MEGF8: variants seen among roughly 807,000 people sequenced by gnomAD.
MEGF8 encodes the protein multiple EGF like domains 8, also known as multiple epidermal growth factor-like domains protein 8.
A neutral mutation model predicts 302.9 loss-of-function variants in MEGF8; 156 were observed. The ratio of observed to expected loss-of-function variants is 0.52; its 90% CI spans 0.45 to 0.59. The LOEUF (loss-of-function observed/expected upper bound fraction) is 0.59. Among genes scored for constraint, MEGF8 ranks in the 20% least tolerant of loss-of-function variants. MEGF8 has a pLI of 0.00. For synonymous variants in MEGF8, 1,621 were observed against 1,660.5 expected (o/e 0.98, Z 0.58); for missense variants, 3,345 against 3,964.5 (o/e 0.84, Z 4.20).
chr19:42,341,075 C>T (rs1600027071), intron 8 of MEGF8, among the ~76,000 whole-genome samples: 1 of 152,104 alleles, frequency 6.6e-6, no homozygotes, highest in African/African-American at 2.4e-5. Flanking sequence ...AAGCAGTCCT[C>T]CCACCTCTGC....
chr19:42,373,706 GTT>G (rs750576656), intron 41 of MEGF8, among the ~76,000 whole-genome samples: 50 of 100,948 alleles, frequency 5.0e-4, no homozygotes, highest in East Asian at 9.0e-4. Context: ...GGGCTTTTGG[GTT>G]TTTTTTTTTT....
intron 12 of MEGF8, among the ~76,000 whole-genome samples, chr19:42,346,976 C>G (rs1463856225): frequency 8.0e-6 from 1 of 124,308 alleles, no homozygotes; most frequent in African/African-American, 3.1e-5. Context: ...CAGAGAGAGA[C>G]TCTGTCTCAA....
chr19:42,331,021 C>T (rs78010855), intron 1 of MEGF8, among the ~76,000 whole-genome samples: 2 of 152,050 alleles, frequency 1.3e-5, no homozygotes, highest in South Asian at 2.1e-4. Flanking sequence ...AGGGGAGGGA[C>T]GGGGCCAGAT....
In MEGF8 at chr19:42,362,322, G is replaced by A. The variant is rs1432454620; in HGVS notation, c.5845-62G>A. On this transcript the variant is annotated intron_variant, in intron 33 of 41. Coordinates refer to ENST00000251268, the MANE Select transcript of MEGF8 (RefSeq NM_001271938.2). ...CCACCCCAGGGTCTCAGGAACCACC[G>A]AGTTCTCAGCTGGCTCAGGAGGGGT... The A allele has an allele frequency of 9.3e-6, 15 of 1,610,908 alleles. No homozygotes were observed. In the Admixed American group the frequency reaches 1.2e-4, roughly 13 times the overall value.
Position 42,368,457 on chromosome 19 carries a change from T to A in MEGF8, c.6276T>A (p.Cys2092Ter). Reference sequence around the variant, plus strand: ...CCCATCCCCTCCCCCCCATACAGTGTCTGAGCCCTTCCTACCTGCCCCTGC... The same window carrying A: ...CCCATCCCCTCCCCCCCATACAGTGACTGAGCCCTTCCTACCTGCCCCTGC... ...HCVWSSSLQQ[C>*]LSPSYLPLRC... The change falls in exon 36 of 42, where the codon TGT becomes TGA. Residue 2092 changes from cysteine (C) to a stop codon, truncating the protein, a stop_gained and splice_region_variant. Coordinates refer to ENST00000251268, the MANE Select transcript of MEGF8 (RefSeq NM_001271938.2). LOFTEE classifies it high-confidence loss of function. This position sits in a 1 kb window ranked among gnomAD's most constrained non-coding sequence, Gnocchi z 4.9. 3 of 1,604,744 alleles carry A rather than the reference T, an allele frequency of 1.9e-6. No homozygotes were observed. Among genetic ancestry groups the A allele is most frequent in the Non-Finnish European group, 2.6e-6 (3 of 1,176,072 alleles).
rs914709762 is a variant in MEGF8 at position 42,335,391 on chromosome 19, G to A, written c.828+6G>A. ...GGGACCTGAGTCCTGCCCCGGTATG[G>A]ACCCCTCCTCTGCCCTGGAGGAGCC... On this transcript the variant is annotated splice_donor_region_variant and intron_variant, in intron 5 of 41. Coordinates refer to ENST00000251268, the MANE Select transcript of MEGF8 (RefSeq NM_001271938.2). 1 of 1,613,686 alleles carries A rather than the reference G, an allele frequency of 6.2e-7. No individual in the cohort carries two copies. The highest frequency in any genetic ancestry group is 2.2e-5 in the East Asian group (1 of 44,882).
rs1010408041 is a variant in MEGF8, at chr19:42,336,027, G to A, written c.925G>A (p.Ala309Thr). ...CGGCTCGCTCACCAACGACGTGTGG[G>A]CCTTCAGTCCACTGGGCAGGGGCCA... is the stretch of plus-strand genomic sequence containing the variant. ...ADGSLTNDVW[A>T]FSPLGRGHWE... is the part of the protein sequence containing the mutation. Residue 309 changes from alanine to threonine, a missense_variant, in exon 6 of 42, where the codon GCC becomes ACC. By Grantham distance (58) the Ala-to-Thr change is moderately conservative (BLOSUM62 0). Transcript: ENST00000251268. This position sits in a 1 kb window ranked among gnomAD's most constrained non-coding sequence, Gnocchi z 4.8. 3.2e-6 allele frequency: 5 copies of A among 1,564,896 alleles called. No homozygotes were observed. In the African/African-American group the frequency reaches 6.8e-5, roughly 21 times the overall value.
In MEGF8 at chr19:42,344,864, G is replaced by A. The variant is rs758828506; in HGVS notation, c.2097+31G>A. 3 of 1,513,336 alleles carry A rather than the reference G, an allele frequency of 2.0e-6. No homozygotes were observed. Among genetic ancestry groups the A allele is most frequent in the African/African-American group, 2.8e-5 (2 of 71,686 alleles). The allele number at this position is 1,513,336 out of a possible 1,614,324, so 93.7% of individuals were successfully genotyped here. A position where few individuals can be genotyped will look rare whatever the true frequency, so the allele number is the denominator to read the frequency against. Reference sequence around the variant, plus strand: ...TAGGAGGCGTGGCCCTGGGTGGGGTGTTGATGATCCTGATCCTAGGGTTTG... The same window carrying A: ...TAGGAGGCGTGGCCCTGGGTGGGGTATTGATGATCCTGATCCTAGGGTTTG... On this transcript the variant is annotated intron_variant, in intron 12 of 41. Transcript: ENST00000251268. This position sits in a 1 kb window ranked among gnomAD's most constrained non-coding sequence, Gnocchi z 4.5.
chr19:42,326,464 G>T (rs774129052), intron 1 of MEGF8, 34 bp downstream of exon 1: 6 of 1,497,034 alleles, frequency 4.0e-6, no homozygotes, highest in Non-Finnish European at 5.3e-6. Context: ...TCACTAATTC[G>T]CTGGTAGTTC....
rs2039749008 is a variant in MEGF8 at position 42,375,247 on chromosome 19, G to A, written c.7270-260G>A. On this transcript the variant is annotated intron_variant, in intron 41 of 41. Transcript: ENST00000251268. This position sits in a 1 kb window ranked among gnomAD's most constrained non-coding sequence, Gnocchi z 7.1. ...GTTCTTCACTGCTGTGCCTCAGAGTGCCAGAGGCCTCAGTATCAGGGTGCT... is the reference window on the plus strand; with the variant it reads ...GTTCTTCACTGCTGTGCCTCAGAGTACCAGAGGCCTCAGTATCAGGGTGCT... Among the ~76,000 whole-genome samples the A allele has an allele frequency of 6.6e-6, 1 of 152,198 alleles. No homozygotes were observed. The highest frequency in any genetic ancestry group is 2.1e-4 in the South Asian group (1 of 4,820).
Position 42,369,103 on chromosome 19 carries a change from G to C in MEGF8, c.6641+101G>C. On this transcript the variant is annotated intron_variant, in intron 37 of 41. Coordinates refer to ENST00000251268, the MANE Select transcript of MEGF8 (RefSeq NM_001271938.2). The surrounding 1 kb of genome is among the most constrained non-coding windows in gnomAD (Gnocchi z 5.7). ...TAGAGCCAAGCAGGACAGAAGAAAA[G>C]AAAGCTCGAGGCATGAAGGCAGTGG... is the stretch of plus-strand genomic sequence containing the variant. 1.1e-5 allele frequency: 16 copies of C among 1,437,010 alleles called. No individual in the cohort carries two copies. Among genetic ancestry groups the C allele is most frequent in the Non-Finnish European group, 1.5e-5 (16 of 1,072,736 alleles). 89.0% of individuals were successfully genotyped at this position (1,437,010 alleles called of 1,614,324 possible).
At position 42,354,095 on chromosome 19, in the gene MEGF8, C is replaced by T; in HGVS notation, c.4011+71C>T. The T allele has an allele frequency of 6.7e-7, 1 of 1,486,520 alleles. No homozygotes were observed. 92.1% of individuals were successfully genotyped at this position (1,486,520 alleles called of 1,614,324 possible). ...TGTCCCCTGACCCAGCCTGCATCCT[C>T]AGACCCTGACCCTAGTATTGCTGTT... On this transcript the variant is annotated intron_variant, in intron 22 of 41. Coordinates refer to ENST00000251268, the MANE Select transcript of MEGF8 (RefSeq NM_001271938.2). The surrounding 1 kb of genome is among the most constrained non-coding windows in gnomAD (Gnocchi z 4.3).
At position 42,363,031 on chromosome 19, in the gene MEGF8, C is replaced by G. The variant is rs1363489141; in HGVS notation, c.6059-17C>G. On this transcript the variant is annotated splice_polypyrimidine_tract_variant and intron_variant, in intron 34 of 41. Transcript: ENST00000251268. ...TCTCCTGGGTCTGAGGTTCTAATCC[C>G]CGTGCCCCACCCCCAGGGGAGACCC... The G allele has an allele frequency of 6.2e-7, 1 of 1,605,978 alleles. No individual in the cohort carries two copies. Among genetic ancestry groups the G allele is most frequent in the Non-Finnish European group, 8.5e-7 (1 of 1,175,616 alleles).
Position 42,343,601 on chromosome 19 carries a change from C to T in MEGF8, c.1638C>T (p.Pro546=), listed in dbSNP as rs778610636. 7 of 1,611,300 alleles carry T rather than the reference C, an allele frequency of 4.3e-6. No homozygotes were observed. Among genetic ancestry groups the T allele is most frequent in the Non-Finnish European group, 5.9e-6 (7 of 1,178,638 alleles). ...PRGDLMAYKV[P]PFVFQAPAPD... is the part of the protein sequence containing the mutation. The stretch of plus-strand genomic sequence containing the variant: ...GGGACTTGATGGCGTACAAGGTGCC[C>T]CCCTTTGTGTTCCAGGCACCTGCCC... The change falls in exon 9 of 42, where the codon CCC becomes CCT. Residue 546 remains proline, a synonymous_variant. Coordinates refer to ENST00000251268, the MANE Select transcript of MEGF8 (RefSeq NM_001271938.2).
At position 42,349,510 on chromosome 19, in the gene MEGF8, G is replaced by T. The variant is rs991262039; in HGVS notation, c.2310G>T (p.Gly770=). The T allele has an allele frequency of 1.3e-5, 21 of 1,611,562 alleles. No homozygotes were observed. The highest frequency in any genetic ancestry group is 3.8e-4 in the Middle Eastern group (2 of 5,282). Residue 770 remains glycine (G), a synonymous_variant, in exon 14 of 42, where the codon GGG becomes GGT. Transcript: ENST00000251268. ...CACACCTACCCCAGGAGGAGGTGGG[G>T]CGCTGGGTGGCTCATCAGGAGAAGG... ...GPDTENMEEV[G]RWVAHQEKET...
rs141749777 is a variant in MEGF8, at chr19:42,346,402, C to T, written c.2097+1569C>T. Among the ~76,000 whole-genome samples, 1,335 of 151,914 alleles carry T rather than the reference C, an allele frequency of 8.8e-3. 7 individuals are homozygous for T. Among genetic ancestry groups the T allele is most frequent in the Middle Eastern group, 0.017 (5 of 294 alleles). ...ACTAAAACTACAAAAATTAGCCGGG[C>T]GTGATGTCGGGTGCCTGTAATCCCA... On this transcript the variant is annotated intron_variant, in intron 12 of 41. Transcript: ENST00000251268.
rs773643156 is a variant in MEGF8 at position 42,369,618 on chromosome 19, C to T, written c.6729C>T (p.Gly2243=). The change falls in exon 38 of 42, where the codon GGC becomes GGT. Residue 2243 remains glycine (G), a synonymous_variant. Coordinates refer to ENST00000251268, the MANE Select transcript of MEGF8 (RefSeq NM_001271938.2). This position sits in a 1 kb window ranked among gnomAD's most constrained non-coding sequence, Gnocchi z 5.7. ...VEPDHCRCHF[G]FVGRNCSTEC... ...CCGACCACTGCCGCTGCCACTTTGG[C>T]TTTGTGGGCCGCAACTGCTCCACGG... 1.9e-6 allele frequency: 3 copies of T among 1,613,030 alleles called. No homozygotes were observed. The highest frequency in any genetic ancestry group is 2.5e-6 in the Non-Finnish European group (3 of 1,179,804).
At position 42,336,399 on chromosome 19, in the gene MEGF8, C is replaced by T; in HGVS notation, c.1244+53C>T. ...TCCACAGGCCAGGCCCAGCTCAACA[C>T]CATAGGCCTTTAGTCTTTAGAGGTC... On this transcript the variant is annotated intron_variant, in intron 6 of 41. Transcript: ENST00000251268. This position sits in a 1 kb window ranked among gnomAD's most constrained non-coding sequence, Gnocchi z 4.8. 1 of 1,500,686 alleles carries T rather than the reference C, an allele frequency of 6.7e-7. No homozygotes were observed. Among genetic ancestry groups the T allele is most frequent in the Non-Finnish European group, 8.9e-7 (1 of 1,124,250 alleles). The allele number at this position is 1,500,686 out of a possible 1,614,324, so 93.0% of individuals were successfully genotyped here. A position where few individuals can be genotyped will look rare whatever the true frequency, so the allele number is the denominator to read the frequency against.
Position 42,357,378 on chromosome 19 carries a change from G to A in MEGF8, c.4831-26G>A, listed in dbSNP as rs1240249567. 27 of 1,608,306 alleles carry A rather than the reference G, an allele frequency of 1.7e-5. No homozygotes were observed. The highest frequency in any genetic ancestry group is 2.3e-5 in the Non-Finnish European group (27 of 1,176,530). On this transcript the variant is annotated intron_variant, in intron 27 of 41. Transcript: ENST00000251268. The surrounding 1 kb of genome is among the most constrained non-coding windows in gnomAD (Gnocchi z 5.2). ...GTGACCCCTGACCTCTAGCCCCATC[G>A]GTGACCTTGCCCCTCCATCCCTCAG... is the stretch of plus-strand genomic sequence containing the variant.
Sources: gnomAD v4.1 joint callset for allele counts (sites outside exome capture counted in the v4.1 genomes callset) on GRCh38, gnomAD v4.1.1 for gene constraint, Gnocchi (gnomAD v3.1) non-coding constraint, MANE v1.5 for transcripts, NCBI Gene and HGNC (gene_info 2026-07-23, HGNC 2026-07-21) for gene names.